The following PLD1 variants were observed in gnomAD, a reference collection of about 807,000 sequenced individuals.
PLD1 encodes phospholipase D1, also known as choline phosphatase 1.
In PLD1, 112 loss-of-function variants were observed where a neutral mutation model predicts 137.1. The observed-to-expected ratio is 0.82, with a 90% CI of 0.70 to 0.96. The LOEUF (loss-of-function observed/expected upper bound fraction) is 0.96. Among genes scored for constraint, PLD1 ranks in the 40% least tolerant of loss-of-function variants. The pLI is 0.00. For missense variants in PLD1, 1,321 were observed against 1,342.0 expected (o/e 0.98, Z 0.24); for synonymous variants, 431 against 454.7 (o/e 0.95, Z 0.66).
intron 21 of PLD1, among the ~76,000 whole-genome samples, chr3:171,656,156 T>TTTTTTTTTATTTATTTATTTATTTATTTA (rs1553810398): frequency 1.4e-5 from 2 of 145,360 alleles, no homozygotes; most frequent in Non-Finnish European, 3.0e-5. Context: ...AATACTATAA[T>TTTTTTTTTATTTATTTATTTATTTATTTA]TTTATTTATT....
chr3:171,796,949 C>T (rs1030924130), intron 1 of PLD1, among the ~76,000 whole-genome samples: 3 of 152,192 alleles, frequency 2.0e-5, no homozygotes, highest in African/African-American at 7.2e-5. Context: ...GTCGCAATGC[C>T]AGAGCTGCCC....
At chr3:171,674,979 CA>C (rs376402019) in intron 18 of PLD1, among the ~76,000 whole-genome samples, 2,203 of 74,968 alleles carry the variant, frequency 0.029, 15 homozygotes, top group Non-Finnish European at 0.042. Flanking sequence ...ATCTCCATCT[CA>C]AAAAAAAAAA....
chr3:171,614,642 C>A (rs928815255), intron 24 of PLD1, among the ~76,000 whole-genome samples: 8 of 152,200 alleles, frequency 5.3e-5, no homozygotes, highest in African/African-American at 1.9e-4. Flanking sequence ...GGCTTAATCG[C>A]CCCATGTGTG....
chr3:171,704,379 A>G (rs907411369), intron 11 of PLD1, among the ~76,000 whole-genome samples: 4 of 152,064 alleles, frequency 2.6e-5, no homozygotes, highest in African/African-American at 9.7e-5. Context: ...ACAGGATTCA[A>G]ACAAGACTCA....
chr3:171,710,470 G>A (rs945058426), intron 9 of PLD1, among the ~76,000 whole-genome samples: 1 of 152,156 alleles, frequency 6.6e-6, no homozygotes, highest in East Asian at 1.9e-4. Context: ...TTCTCGTGAG[G>A]AGCGCGCAGC....
At chr3:171,764,468 C>T (rs1205676755) in intron 1 of PLD1, among the ~76,000 whole-genome samples, 1 of 152,110 alleles carries the variant, frequency 6.6e-6, no homozygotes, top group Admixed American at 6.5e-5. Context: ...GTAATTTGCT[C>T]AAGGTCACAA....
chr3:171,723,498 C>G (rs961306324), intron 8 of PLD1, among the ~76,000 whole-genome samples: 2 of 152,082 alleles, frequency 1.3e-5, no homozygotes, highest in Non-Finnish European at 2.9e-5. Context: ...AGACGTGGAA[C>G]TGCTAGATCA....
At chr3:171,766,065 C>T (rs1226374687) in intron 1 of PLD1, among the ~76,000 whole-genome samples, 2 of 152,110 alleles carry the variant, frequency 1.3e-5, no homozygotes, top group Non-Finnish European at 2.9e-5. Context: ...TGATTCTGTC[C>T]TTTATAAAAA....
At chr3:171,692,994 T>C (rs977588989) in intron 12 of PLD1, among the ~76,000 whole-genome samples, 6 of 152,190 alleles carry the variant, frequency 3.9e-5, no homozygotes, top group Non-Finnish European at 8.8e-5. Flanking sequence ...CAATAACTGA[T>C]TAAAGATCCA....
chr3:171,805,437 A>G (rs1361813781), intron 1 of PLD1, among the ~76,000 whole-genome samples: 1 of 152,088 alleles, frequency 6.6e-6, no homozygotes, highest in African/African-American at 2.4e-5. Context: ...AAATATTGAA[A>G]TGCTTCCCTC....
intron 19 of PLD1, among the ~76,000 whole-genome samples, chr3:171,672,797 T>G (rs1209202858): frequency 6.6e-6 from 1 of 152,152 alleles, no homozygotes; most frequent in African/African-American, 2.4e-5. Flanking sequence ...GTGTCATTTC[T>G]CACACAACAT....
chr3:171,758,331 C>A (rs1212363708), intron 1 of PLD1, among the ~76,000 whole-genome samples: 1 of 152,178 alleles, frequency 6.6e-6, no homozygotes, highest in Non-Finnish European at 1.5e-5. Flanking sequence ...TCAATGTGCA[C>A]TGCCCCCTAT....
intron 23 of PLD1, among the ~76,000 whole-genome samples, chr3:171,639,617 A>AATATATATTATAT (rs1735519711): frequency 1.4e-5 from 1 of 71,262 alleles, no homozygotes; most frequent in African/African-American, 9.6e-5. Flanking sequence ...TATATTATAT[A>AATATATATTATAT]TAATATATAT....
intron 23 of PLD1, among the ~76,000 whole-genome samples, chr3:171,641,746 C>T (rs1214686959): frequency 6.6e-6 from 1 of 152,076 alleles, no homozygotes; most frequent in Non-Finnish European, 1.5e-5. Flanking sequence ...ACACATGATC[C>T]TCCTTTTCCA....
intron 21 of PLD1, among the ~76,000 whole-genome samples, chr3:171,651,695 A>G (rs1208252964): frequency 2.0e-5 from 3 of 152,212 alleles, no homozygotes; most frequent in Non-Finnish European, 4.4e-5. Context: ...GGGATTCCCC[A>G]GCATGTTTGA....
intron 23 of PLD1, among the ~76,000 whole-genome samples, chr3:171,627,504 C>T (rs1234237393): frequency 9.2e-5 from 14 of 152,156 alleles, no homozygotes; most frequent in Admixed American, 3.3e-4. Context: ...CTGCACCAAG[C>T]GGACCTAATA....
At chr3:171,682,164 GAAAAAGAA>G (rs1351605680) in intron 16 of PLD1, among the ~76,000 whole-genome samples, 3 of 28,730 alleles carry the variant, frequency 1.0e-4, no homozygotes, top group Non-Finnish European at 2.2e-4. Flanking sequence ...AAGAAAGAAA[GAAAAAGAA>G]AGAAAGAAAG....
At chr3:171,665,272 T>C (rs1158017256) in intron 19 of PLD1, among the ~76,000 whole-genome samples, 2 of 152,202 alleles carry the variant, frequency 1.3e-5, no homozygotes, top group African/African-American at 4.8e-5. Flanking sequence ...CTGAGATTGA[T>C]CCTCAATGGC....
At chr3:171,654,809 T>A (rs541272972) in intron 21 of PLD1, among the ~76,000 whole-genome samples, 28 of 151,742 alleles carry the variant, frequency 1.8e-4, no homozygotes, top group Middle Eastern at 3.4e-3. Context: ...GTTTTTTTTT[T>A]ATTCTGATTC....
Sources: gnomAD v4.1 joint callset for allele counts (sites outside exome capture counted in the v4.1 genomes callset) on GRCh38, gnomAD v4.1.1 for gene constraint, MANE v1.5 for transcripts, NCBI Gene and HGNC (gene_info 2026-07-23, HGNC 2026-07-21) for gene names.